Variants in ELAPOR2 observed in about 807,000 individuals in gnomAD.
ELAPOR2 encodes endosome-lysosome associated apoptosis and autophagy regulator family member 2.
In ELAPOR2, 89 loss-of-function variants were observed where a neutral mutation model predicts 120.7. The ratio of observed to expected loss-of-function variants is 0.74; its 90% CI spans 0.62 to 0.88. The LOEUF is 0.88. ELAPOR2 is among the 40% of genes least tolerant of loss of function. The pLI is 0.00. For missense variants in ELAPOR2, 1,134 were observed against 1,251.6 expected (o/e 0.91, Z 1.42); for synonymous variants, 444 against 444.9 (o/e 1.00, Z 0.03).
chr7:86,971,903 T>C (rs536984505), intron 1 of ELAPOR2, among the ~76,000 whole-genome samples: 2 of 152,030 alleles, frequency 1.3e-5, no homozygotes, highest in Non-Finnish European at 2.9e-5. Context: ...GAAAATCTGT[T>C]TGAGAATTGT....
At chr7:86,898,209 ATAT>A (rs1300027608) in intron 18 of ELAPOR2, among the ~76,000 whole-genome samples, 1 of 152,180 alleles carries the variant, frequency 6.6e-6, no homozygotes, top group Non-Finnish European at 1.5e-5. Context: ...AACCTCGAAA[ATAT>A]TATGCTAAGT....
At chr7:86,905,273 C>T (rs1788955707) in intron 18 of ELAPOR2, among the ~76,000 whole-genome samples, 1 of 141,718 alleles carries the variant, frequency 7.1e-6, no homozygotes, top group Non-Finnish European at 1.5e-5. Flanking sequence ...GCTATGTTGA[C>T]TTTTTTTTTT....
chr7:87,029,151 A>G (rs1386093319), intron 1 of ELAPOR2, among the ~76,000 whole-genome samples: 1 of 152,030 alleles, frequency 6.6e-6, no homozygotes, highest in Non-Finnish European at 1.5e-5. Context: ...TCTTTTTACC[A>G]TTTCATAATC....
chr7:87,022,123 C>T (rs1794061928), intron 1 of ELAPOR2, among the ~76,000 whole-genome samples: 2 of 151,998 alleles, frequency 1.3e-5, no homozygotes, highest in South Asian at 4.2e-4. Flanking sequence ...TACATGTGCA[C>T]AACATGCAGG....
intron 1 of ELAPOR2, among the ~76,000 whole-genome samples, chr7:87,040,354 C>A (rs1157103913): frequency 6.6e-6 from 1 of 152,212 alleles, no homozygotes; most frequent in East Asian, 1.9e-4. Flanking sequence ...GTAACCTCTG[C>A]AGACTTAAAT....
intron 1 of ELAPOR2, among the ~76,000 whole-genome samples, chr7:87,032,307 T>G (rs1794446219): frequency 6.6e-6 from 1 of 152,144 alleles, no homozygotes; most frequent in Admixed American, 6.6e-5. Context: ...TAATAACAAA[T>G]GATTGCTATT....
intron 1 of ELAPOR2, among the ~76,000 whole-genome samples, chr7:86,989,990 G>A (rs1344903628): frequency 1.3e-5 from 2 of 151,954 alleles, no homozygotes; most frequent in Non-Finnish European, 2.9e-5. Flanking sequence ...TGACAGTATT[G>A]AGAGGTGGCG....
intron 1 of ELAPOR2, among the ~76,000 whole-genome samples, chr7:87,031,526 T>C (rs1280033183): frequency 6.6e-6 from 1 of 152,170 alleles, no homozygotes; most frequent in Non-Finnish European, 1.5e-5. Flanking sequence ...GCACATCTAA[T>C]AGACTAACTG....
intron 10 of ELAPOR2, among the ~76,000 whole-genome samples, chr7:86,925,195 A>G (rs1245648372): frequency 6.6e-6 from 1 of 151,970 alleles, no homozygotes; most frequent in African/African-American, 2.4e-5. Flanking sequence ...AAATCCCATC[A>G]TGCTACTCTT....
intron 1 of ELAPOR2, among the ~76,000 whole-genome samples, chr7:87,049,871 G>A (rs1307295108): frequency 6.6e-6 from 1 of 152,128 alleles, no homozygotes; most frequent in African/African-American, 2.4e-5. Flanking sequence ...TGGGAGGTGG[G>A]GCCTAATGGG....
At chr7:87,040,465 C>T (rs1220731132) in intron 1 of ELAPOR2, among the ~76,000 whole-genome samples, 4 of 152,146 alleles carry the variant, frequency 2.6e-5, no homozygotes, top group Admixed American at 2.0e-4. Context: ...CCCTGACCCC[C>T]GAGCAACCTA....
intron 18 of ELAPOR2, among the ~76,000 whole-genome samples, chr7:86,902,060 A>C (rs1248540161): frequency 1.3e-5 from 2 of 152,224 alleles, no homozygotes; most frequent in Non-Finnish European, 2.9e-5. Flanking sequence ...TCACAATGTC[A>C]GCAGATTCAG....
At chr7:86,883,404 T>A (rs749107284) in intron 21 of ELAPOR2, among the ~76,000 whole-genome samples, 7 of 152,172 alleles carry the variant, frequency 4.6e-5, no homozygotes, top group Admixed American at 6.6e-5. Flanking sequence ...AAATCATGTA[T>A]AACAAACTTC....
At chr7:86,990,078 G>A (rs1447669547) in intron 1 of ELAPOR2, among the ~76,000 whole-genome samples, 4 of 151,262 alleles carry the variant, frequency 2.6e-5, no homozygotes, top group East Asian at 1.9e-4. Flanking sequence ...ACAGAGTCTT[G>A]CTCTGTCCCC....
In ELAPOR2 at chr7:86,925,542, C is replaced by T. The variant is rs746738950; in HGVS notation, c.1385G>A (p.Cys462Tyr). 1 of 1,611,644 alleles carries T rather than the reference C, an allele frequency of 6.2e-7. No individual in the cohort carries two copies. Among genetic ancestry groups the T allele is most frequent in the African/African-American group, 1.3e-5 (1 of 74,760 alleles). Residue 462 changes from cysteine (C) to tyrosine (Y), a missense_variant, in exon 10 of 22, where the codon TGC becomes TAC. Around this residue, in one of 3 missense-constraint regions of ELAPOR2, gnomAD observed 831 missense variants for 867.6 expected, o/e 0.96. Transcript: ENST00000450689. Reference sequence around the variant, plus strand: ...TTTGAACTTACCATTCATTCCATCGCACTTTGAATTCCCAACATTGAAGCA... The same window carrying T: ...TTTGAACTTACCATTCATTCCATCGTACTTTGAATTCCCAACATTGAAGCA... ...TSCFNVGNSK[C>Y]DGMNGWEVAG...
At chr7:86,948,049 T>A in intron 2 of ELAPOR2, 127 bp from the exon 3 acceptor site, 1 of 662,754 alleles carries the variant, frequency 1.5e-6, no homozygotes, top group Non-Finnish European at 2.5e-6. Context: ...CCTTTCAAAT[T>A]CCTCTTATCA....
chr7:87,050,626 C>T (rs1016110300), intron 1 of ELAPOR2, among the ~76,000 whole-genome samples: 4 of 152,130 alleles, frequency 2.6e-5, no homozygotes, highest in African/African-American at 7.2e-5. Context: ...AATGCGAGAA[C>T]GGCCTAATAC....
At chr7:86,944,465 G>A (rs904391223) in intron 4 of ELAPOR2, among the ~76,000 whole-genome samples, 2 of 151,832 alleles carry the variant, frequency 1.3e-5, no homozygotes, top group African/African-American at 4.8e-5. Flanking sequence ...AATAATTTTT[G>A]TTAGCAAAAA....
intron 18 of ELAPOR2, among the ~76,000 whole-genome samples, chr7:86,901,365 T>C (rs991783580): frequency 1.1e-4 from 17 of 152,214 alleles, no homozygotes; most frequent in African/African-American, 4.1e-4. Context: ...GGATACATTC[T>C]CTGAGAGATA....
Sources: gnomAD v4.1 joint callset for allele counts (sites outside exome capture counted in the v4.1 genomes callset) on GRCh38, gnomAD v4.1.1 for gene constraint, gnomAD v4.1.1 regional missense constraint, MANE v1.5 for transcripts, NCBI Gene and HGNC (gene_info 2026-07-23, HGNC 2026-07-21) for gene names.